GRIA4: variants seen among roughly 807,000 people sequenced by gnomAD.
The protein encoded by GRIA4 is glutamate ionotropic receptor AMPA type subunit 4, also known as glutamate receptor 4.
A neutral mutation model predicts 104.0 loss-of-function variants in GRIA4; 34 were observed. That is an observed-to-expected ratio of 0.33 (90% CI 0.25 to 0.44). The LOEUF is 0.44. Ranked by LOEUF, GRIA4 falls within the 20% of genes least tolerant of loss-of-function variation. The pLI is 1.00. For missense variants in GRIA4, 750 were observed against 1,096.5 expected (o/e 0.68, Z 4.46); for synonymous variants, 386 against 381.9 (o/e 1.01, Z -0.13).
At chr11:105,827,216 C>G (rs982258111) in intron 4 of GRIA4, among the ~76,000 whole-genome samples, 4 of 151,902 alleles carry the variant, frequency 2.6e-5, no homozygotes, top group African/African-American at 9.7e-5. Context: ...TCCATAGTTT[C>G]TACTTCAAAT....
Position 105,926,849 on chromosome 11 carries a change from C to G in GRIA4, c.1956C>G (p.Val652=), listed in dbSNP as rs754269937. 8 of 1,610,896 alleles carry G rather than the reference C, an allele frequency of 5.0e-6. No individual in the cohort carries two copies. The highest frequency in any genetic ancestry group is 3.3e-5 in the South Asian group (3 of 91,010). The change falls in exon 13 of 17, where the codon GTC becomes GTG. Residue 652 remains valine, a synonymous_variant. Transcript: ENST00000282499. ...CTTTCCTGACGGTTGAGCGAATGGT[C>G]TCTCCCATAGAAAGTGCAGAAGACC... ...LAAFLTVERM[V]SPIESAEDLA... is the part of the protein sequence containing the mutation.
At chr11:105,881,728 C>G (rs963981133) in intron 5 of GRIA4, among the ~76,000 whole-genome samples, 5 of 151,328 alleles carry the variant, frequency 3.3e-5, no homozygotes, top group African/African-American at 1.2e-4. Context: ...CCTGCATACA[C>G]ACATACACAC....
intron 3 of GRIA4, 61 bp downstream of exon 3, chr11:105,612,495 C>T (rs1197948401): frequency 4.6e-6 from 6 of 1,293,276 alleles, no homozygotes; most frequent in African/African-American, 3.0e-5. Context: ...ATGGAGTCCT[C>T]TTCCTCTTTG....
chr11:105,977,382 T>A (rs1299826077), intron 16 of GRIA4, among the ~76,000 whole-genome samples: 2 of 152,004 alleles, frequency 1.3e-5, no homozygotes, highest in Non-Finnish European at 2.9e-5. Flanking sequence ...GTTTGGGGAC[T>A]CTTTCAAAGA....
At chr11:105,703,319 G>A (rs1953571886) in intron 3 of GRIA4, among the ~76,000 whole-genome samples, 1 of 152,122 alleles carries the variant, frequency 6.6e-6, no homozygotes. Context: ...GTGAAAAGCA[G>A]AACTGAGTAC....
chr11:105,789,567 A>G (rs1942125961), intron 4 of GRIA4, among the ~76,000 whole-genome samples: 1 of 152,006 alleles, frequency 6.6e-6, no homozygotes, highest in African/African-American at 2.4e-5. Flanking sequence ...TTGGTGCTGG[A>G]TCTGAAGGGC....
chr11:105,744,073 T>G (rs1450351270), intron 3 of GRIA4, among the ~76,000 whole-genome samples: 1 of 152,262 alleles, frequency 6.6e-6, no homozygotes, highest in East Asian at 1.9e-4. Flanking sequence ...AGTCAGTCTT[T>G]CCCTCCACTC....
At chr11:105,855,416 GA>G (rs1329665059) in intron 4 of GRIA4, among the ~76,000 whole-genome samples, 1 of 151,882 alleles carries the variant, frequency 6.6e-6, no homozygotes, top group Admixed American at 6.6e-5. Context: ...ACACACATTG[GA>G]ACTGTGAGCT....
chr11:105,698,066 T>G (rs932185810), intron 3 of GRIA4, among the ~76,000 whole-genome samples: 1 of 152,138 alleles, frequency 6.6e-6, no homozygotes, highest in African/African-American at 2.4e-5. Flanking sequence ...TATGTCATGC[T>G]AGAAATAAGG....
chr11:105,762,199 T>C (rs1940692060), intron 4 of GRIA4, among the ~76,000 whole-genome samples: 1 of 152,078 alleles, frequency 6.6e-6, no homozygotes, highest in Non-Finnish European at 1.5e-5. Flanking sequence ...AATTTTTGTA[T>C]TTTTAGTAGA....
intron 6 of GRIA4, among the ~76,000 whole-genome samples, chr11:105,896,211 CTGTT>C (rs987768361): frequency 4.7e-4 from 71 of 152,148 alleles, no homozygotes; most frequent in African/African-American, 1.6e-3. Flanking sequence ...TGTTTGCTGG[CTGTT>C]TGTATGTTGT....
chr11:105,766,703 C>A (rs962721697), intron 4 of GRIA4, among the ~76,000 whole-genome samples: 1 of 152,048 alleles, frequency 6.6e-6, no homozygotes, highest in African/African-American at 2.4e-5. Flanking sequence ...ATCAAATTAC[C>A]CCTCTGCTTG....
intron 16 of GRIA4, among the ~76,000 whole-genome samples, chr11:105,979,338 T>C (rs1271252395): frequency 6.6e-6 from 1 of 152,244 alleles, no homozygotes; most frequent in Non-Finnish European, 1.5e-5. Context: ...TTAAATATTA[T>C]AATTTTAGAA....
At chr11:105,667,188 A>G (rs1349265161) in intron 3 of GRIA4, among the ~76,000 whole-genome samples, 2 of 152,044 alleles carry the variant, frequency 1.3e-5, no homozygotes, top group African/African-American at 4.8e-5. Flanking sequence ...TGCACCTAGC[A>G]AGGAAAAAAA....
chr11:105,648,755 T>C (rs1389374096), intron 3 of GRIA4, among the ~76,000 whole-genome samples: 1 of 152,250 alleles, frequency 6.6e-6, no homozygotes, highest in Non-Finnish European at 1.5e-5. Flanking sequence ...TGATAACTCA[T>C]GCAATCATTT....
chr11:105,912,838 A>G (rs1195361084), intron 10 of GRIA4: 2 of 984,172 alleles, frequency 2.0e-6, no homozygotes, highest in African/African-American at 3.5e-5. Context: ...TCCCTTGTAG[A>G]TAAACAAGAT....
At chr11:105,936,566 T>G (rs1205267700) in intron 14 of GRIA4, among the ~76,000 whole-genome samples, 1 of 152,178 alleles carries the variant, frequency 6.6e-6, no homozygotes, top group Non-Finnish European at 1.5e-5. Flanking sequence ...TATTTACACT[T>G]AAACAGAGAA....
chr11:105,822,692 A>G (rs1304971639), intron 4 of GRIA4, among the ~76,000 whole-genome samples: 1 of 152,158 alleles, frequency 6.6e-6, no homozygotes, highest in African/African-American at 2.4e-5. Context: ...GAGTTTAATT[A>G]TCCTTGTGGT....
intron 3 of GRIA4, among the ~76,000 whole-genome samples, chr11:105,656,353 C>T (rs1167521582): frequency 6.6e-6 from 1 of 152,052 alleles, no homozygotes; most frequent in African/African-American, 2.4e-5. Context: ...TCCCTTACAC[C>T]TTATACAAAA....
Sources: gnomAD v4.1 joint callset for allele counts (sites outside exome capture counted in the v4.1 genomes callset) on GRCh38, gnomAD v4.1.1 for gene constraint, MANE v1.5 for transcripts, NCBI Gene and HGNC (gene_info 2026-07-23, HGNC 2026-07-21) for gene names.